Variants in NEBL observed in about 807,000 individuals in gnomAD.
NEBL encodes nebulette, also known as LIM and SH3 protein 2.
Under a neutral mutation model 140.2 loss-of-function variants are expected in NEBL, and 122 were observed. That is an observed-to-expected ratio of 0.87 (90% CI 0.75 to 1.01). The LOEUF is 1.01. NEBL is among the 50% of genes least tolerant of loss of function. The pLI is 0.00. For missense variants in NEBL, 1,365 were observed against 1,231.3 expected, an observed-to-expected ratio of 1.11 and a Z score of -1.62; for synonymous variants, 436 against 398.9, an observed-to-expected ratio of 1.09 and a Z score of -1.11.
chr10:20,869,351 G>C (rs1844670440), intron 6 of NEBL, among the ~76,000 whole-genome samples: 1 of 152,144 alleles, frequency 6.6e-6, no homozygotes. Flanking sequence ...TGGTGGAAGA[G>C]AATGTACACA....
chr10:20,941,655 C>T (rs1834875113), intron 4 of NEBL, among the ~76,000 whole-genome samples: 3 of 151,426 alleles, frequency 2.0e-5, no homozygotes, highest in Non-Finnish European at 4.4e-5. Context: ...TCCCTGTTTG[C>T]AGATGACATG....
At chr10:20,893,864 G>A (rs563004224) in intron 2 of NEBL, among the ~76,000 whole-genome samples, 1 of 152,298 alleles carries the variant, frequency 6.6e-6, no homozygotes, top group Non-Finnish European at 1.5e-5. Flanking sequence ...TGGGTCCTAA[G>A]CTATCAGCTA....
chr10:20,831,433 C>A lies in NEBL; in HGVS notation c.1560+40G>T, dbSNP rs373241569. On this transcript the variant is annotated intron_variant, in intron 15 of 27. Transcript: ENST00000377122. ...TTATGCTCTTTCCAGCTATGATTCA[C>A]GGCATTTATTTTAAACTTTGTATCT... The A allele has an allele frequency of 2.6e-6, 4 of 1,542,962 alleles. No homozygotes were observed. The South Asian group carries it at 4.5e-5, about 17-fold the overall frequency.
intron 26 of NEBL, among the ~76,000 whole-genome samples, chr10:20,792,176 A>C (rs1194680079): frequency 6.6e-6 from 1 of 151,996 alleles, no homozygotes; most frequent in African/African-American, 2.4e-5. Flanking sequence ...TGGTACTTTA[A>C]CTATAGATGT....
intron 9 of NEBL, among the ~76,000 whole-genome samples, chr10:20,853,283 T>A (rs937064497): frequency 2.6e-5 from 4 of 152,150 alleles, no homozygotes; most frequent in Non-Finnish European, 5.9e-5. Flanking sequence ...GGCTACTATT[T>A]GGACATATAG....
At position 20,850,440 on chromosome 10, in the gene NEBL, T is replaced by C. The variant is rs759498064; in HGVS notation, c.1071A>G (p.Thr357=). 2 of 1,612,266 alleles carry C rather than the reference T, an allele frequency of 1.2e-6. No homozygotes were observed. Among genetic ancestry groups the C allele is most frequent in the Non-Finnish European group, 1.7e-6 (2 of 1,178,444 alleles). Residue 357 remains threonine (T), a synonymous_variant, in exon 11 of 28, where the codon ACA becomes ACG. Coordinates refer to ENST00000377122, the MANE Select transcript of NEBL (RefSeq NM_006393.3). ...KGKPMLEFVE[T]PSYQASKEAQ... ...CCTCCTTTGAAGCTTGATATGATGG[T>C]GTCTCAACAAATTCAAGCATTGGCT...
In NEBL at chr10:20,916,806, T is replaced by C. The variant is rs1848575494; in HGVS notation, c.357+44866A>G. 2.0e-5 allele frequency among the ~76,000 whole-genome samples: 3 copies of C among 152,220 alleles called. No homozygotes were observed. In the South Asian group the frequency reaches 6.2e-4, roughly 31 times the overall value. ...TGAAGTTCCTCAAGGCAATAGGCTATTTTATACTTTACCACTAGAGTGACA... is the reference window on the plus strand; with the variant it reads ...TGAAGTTCCTCAAGGCAATAGGCTACTTTATACTTTACCACTAGAGTGACA... On this transcript the variant is annotated intron_variant, in intron 4 of 6. Coordinates refer to the NEBL transcript ENST00000417816.
intron 23 of NEBL, 80 bp from the exon 24 acceptor site, chr10:20,813,020 C>T (rs1048265350): frequency 3.3e-5 from 39 of 1,186,286 alleles, no homozygotes; most frequent in Non-Finnish European, 2.5e-6. Flanking sequence ...GACAGGTGTA[C>T]ACTGCACTGG....
intron 1 of NEBL, among the ~76,000 whole-genome samples, chr10:21,276,720 G>A (rs1474191133): frequency 6.6e-6 from 1 of 152,118 alleles, no homozygotes; most frequent in Non-Finnish European, 1.5e-5. Context: ...TGTAACCCTA[G>A]AGCTTTGGGA....
chr10:21,115,999 T>G (rs1838268222), intron 2 of NEBL, among the ~76,000 whole-genome samples: 1 of 152,144 alleles, frequency 6.6e-6, no homozygotes, highest in African/African-American at 2.4e-5. Context: ...AGTTTACTAA[T>G]GGTTGCTGTT....
intron 3 of NEBL, among the ~76,000 whole-genome samples, chr10:20,995,905 A>T (rs994479545): frequency 6.6e-6 from 1 of 151,384 alleles, no homozygotes; most frequent in African/African-American, 2.4e-5. Flanking sequence ...TGTGGGACTA[A>T]TTCTTTTTCC....
At chr10:21,174,209 G>C (rs960730311), upstream of NEBL, 1 of 215,952 alleles carries the variant, frequency 4.6e-6, no homozygotes, top group Non-Finnish European at 8.0e-6. Context: ...GGCGCGCCCG[G>C]ACCGAAGTGG....
intron 3 of NEBL, among the ~76,000 whole-genome samples, chr10:21,205,198 C>T (rs916959856): frequency 6.6e-6 from 1 of 151,990 alleles, no homozygotes; most frequent in Non-Finnish European, 1.5e-5. Context: ...GGTACATGAC[C>T]CTGAAGGGAT....
chr10:21,085,734 A>G (rs1011507942), intron 2 of NEBL, among the ~76,000 whole-genome samples: 1 of 152,018 alleles, frequency 6.6e-6, no homozygotes, highest in African/African-American at 2.4e-5. Flanking sequence ...TAAGAAGTGT[A>G]TATGTGTTAA....
At chr10:21,076,737 A>G (rs1348072710) in intron 2 of NEBL, among the ~76,000 whole-genome samples, 4 of 152,228 alleles carry the variant, frequency 2.6e-5, no homozygotes, top group African/African-American at 9.6e-5. Flanking sequence ...TGAGGACATT[A>G]TAATTGAAAT....
intron 4 of NEBL, among the ~76,000 whole-genome samples, chr10:20,932,428 G>T (rs1409277448): frequency 1.3e-5 from 2 of 152,108 alleles, no homozygotes; most frequent in African/African-American, 4.8e-5. Flanking sequence ...GCTGGGGGGT[G>T]GGGGAGAAAG....
intron 2 of NEBL, among the ~76,000 whole-genome samples, chr10:21,167,364 A>T (rs547644091): frequency 3.9e-5 from 6 of 152,260 alleles, no homozygotes; most frequent in South Asian, 4.1e-4. Context: ...CTAAGATACA[A>T]GGTATAGTAA....
At chr10:20,827,926 G>T (rs1430586973) in intron 17 of NEBL, among the ~76,000 whole-genome samples, 1 of 152,098 alleles carries the variant, frequency 6.6e-6, no homozygotes, top group Non-Finnish European at 1.5e-5. Context: ...CTATCAGAGG[G>T]TGAAGAAGGA....
intron 4 of NEBL, among the ~76,000 whole-genome samples, chr10:20,918,644 C>G (rs749570412): frequency 4.4e-4 from 67 of 151,632 alleles, no homozygotes; most frequent in Non-Finnish European, 8.4e-4. Flanking sequence ...GTCAGGAGAT[C>G]GAGACCATCC....
Sources: gnomAD v4.1 joint callset for allele counts (sites outside exome capture counted in the v4.1 genomes callset) on GRCh38, gnomAD v4.1.1 for gene constraint, MANE v1.5 for transcripts, NCBI Gene and HGNC (gene_info 2026-07-23, HGNC 2026-07-21) for gene names.